The following FLT3 variants were observed in gnomAD, a reference collection of about 807,000 sequenced individuals.
FLT3 encodes the protein fms related receptor tyrosine kinase 3.
Under a neutral mutation model 126.6 loss-of-function variants are expected in FLT3, and 46 were observed. The ratio of observed to expected loss-of-function variants is 0.36; its 90% CI spans 0.29 to 0.46. The LOEUF is 0.46. FLT3 is among the 20% of genes least tolerant of loss of function. FLT3 has a pLI of 1.00. For missense variants in FLT3, 1,069 were observed against 1,190.3 expected (o/e 0.90, Z 1.50); for synonymous variants, 404 against 434.4 (o/e 0.93, Z 0.87).
intron 23 of FLT3, among the ~76,000 whole-genome samples, chr13:28,010,143 C>T (rs770636464): frequency 2.6e-5 from 4 of 152,080 alleles, no homozygotes; most frequent in Non-Finnish European, 4.4e-5. Flanking sequence ...GTTTGCTGAG[C>T]GCCTTCCACG....
chr13:28,078,703 G>C (rs1291080951), intron 1 of FLT3, among the ~76,000 whole-genome samples: 2 of 129,044 alleles, frequency 1.5e-5, no homozygotes, highest in Non-Finnish European at 1.7e-5. Context: ...CCAGAAAATG[G>C]GTTTTTCTTT....
intron 1 of FLT3, among the ~76,000 whole-genome samples, chr13:28,089,984 G>A (rs1878927530): frequency 6.6e-6 from 1 of 151,426 alleles, no homozygotes; most frequent in South Asian, 2.1e-4. Flanking sequence ...CAAATGATCC[G>A]CCCGCCTCGG....
At chr13:28,058,215 A>C (rs9919843) in intron 3 of FLT3, among the ~76,000 whole-genome samples, 96 of 93,270 alleles carry the variant, frequency 1.0e-3, no homozygotes, top group African/African-American at 3.1e-3. Flanking sequence ...ATTAAAAAAA[A>C]AAAACAAAAA....
rs1555258878 is a variant in FLT3 at position 28,060,475 on chromosome 13, A to AAG, written c.368+1391_368+1392insCT. On this transcript the variant is annotated intron_variant, in intron 3 of 23. Transcript: ENST00000241453. The stretch of plus-strand genomic sequence containing the variant: ...ATAAGGTAAAAATATTTAAAAAAAA[A>AAG]AAAAAGAAAAAGGAAAAAAAATCCT... Among the ~76,000 whole-genome samples the AAG allele has an allele frequency of 4.0e-5, 6 of 151,080 alleles. No individual in the cohort carries two copies. The East Asian group carries it at 7.7e-4, about 19-fold the overall frequency.
At chr13:28,055,336 A>G (rs1337595957) in intron 4 of FLT3, among the ~76,000 whole-genome samples, 1 of 152,202 alleles carries the variant, frequency 6.6e-6, no homozygotes, top group Non-Finnish European at 1.5e-5. Flanking sequence ...CACATTCCCA[A>G]TTCCTTCAAC....
At chr13:28,060,482 A>G (rs1876449075) in intron 3 of FLT3, among the ~76,000 whole-genome samples, 3 of 149,474 alleles carry the variant, frequency 2.0e-5, no homozygotes, top group Non-Finnish European at 3.0e-5. Flanking sequence ...AAAAAAAAAG[A>G]AAAAGGAAAA....
In FLT3 at chr13:28,053,397, G is replaced by GATATATATATATATATATATAT. The variant is rs10522717; in HGVS notation, c.485-724_485-723insATATATATATATATATATATAT. Reference sequence around the variant, plus strand: ...TGTTTGAAAATACTATGTACTGTTTGATATATATATATATATATGAAAGAA... The same window carrying GATATATATATATATATATATAT: ...TGTTTGAAAATACTATGTACTGTTTGATATATATATATATATATATATATATATATATATATATATGAAAGAA... On this transcript the variant is annotated intron_variant, in intron 4 of 23. Transcript: ENST00000241453. Among the ~76,000 whole-genome samples, 922 of 134,646 alleles carry GATATATATATATATATATATAT rather than the reference G, an allele frequency of 6.8e-3. 20 individuals are homozygous for GATATATATATATATATATATAT. Among genetic ancestry groups the GATATATATATATATATATATAT allele is most frequent in the African/African-American group, 0.018 (589 of 31,968 alleles). 88.3% of individuals were successfully genotyped at this position (134,646 alleles called of 152,430 possible).
intron 3 of FLT3, among the ~76,000 whole-genome samples, chr13:28,058,284 GT>G: frequency 6.6e-6 from 1 of 150,992 alleles, no homozygotes; most frequent in African/African-American, 2.4e-5. Flanking sequence ...GGAGGCTGAA[GT>G]GGGTGGATCA....
At chr13:28,044,603 C>T (rs1874694678) in intron 9 of FLT3, among the ~76,000 whole-genome samples, 1 of 152,164 alleles carries the variant, frequency 6.6e-6, no homozygotes, top group African/African-American at 2.4e-5. Flanking sequence ...TTGTTCGTTT[C>T]TTGTTCAGTA....
intron 23 of FLT3, 101 bp from the exon 24 acceptor site, chr13:28,004,275 T>C: frequency 1.7e-6 from 2 of 1,208,396 alleles, no homozygotes; most frequent in Non-Finnish European, 2.3e-6. Flanking sequence ...AGTTGTTCTA[T>C]ATAGACAATT....
At chr13:28,084,892 G>A (rs1055742995) in intron 1 of FLT3, among the ~76,000 whole-genome samples, 2 of 147,496 alleles carry the variant, frequency 1.4e-5, no homozygotes, top group African/African-American at 2.5e-5. Context: ...GGAGAATGGC[G>A]TGAACCCGGG....
chr13:28,039,665 C>T (rs1446869580), intron 9 of FLT3, among the ~76,000 whole-genome samples: 1 of 151,424 alleles, frequency 6.6e-6, no homozygotes, highest in Admixed American at 6.6e-5. Context: ...TCTCCTGCCT[C>T]AGCCTCCCAA....
intron 1 of FLT3, among the ~76,000 whole-genome samples, chr13:28,077,254 C>G (rs1370024446): frequency 6.6e-6 from 1 of 152,068 alleles, no homozygotes; most frequent in Non-Finnish European, 1.5e-5. Context: ...ATATATTAGT[C>G]CGTTTTCACA....
At chr13:28,041,259 A>G (rs1287686112) in intron 9 of FLT3, among the ~76,000 whole-genome samples, 1 of 152,178 alleles carries the variant, frequency 6.6e-6, no homozygotes, top group African/African-American at 2.4e-5. Context: ...TGAGCTTCTA[A>G]GAGAGAAAGT....
rs138560873 is a variant in FLT3 at position 28,022,680 on chromosome 13, G to C, written c.2418+670C>G. Among the ~76,000 whole-genome samples, 24 of 152,152 alleles carry C rather than the reference G, an allele frequency of 1.6e-4. No homozygotes were observed. The East Asian group carries it at 2.1e-3, about 13-fold the overall frequency. ...GAAGAATTTTGGGAAATAAAGAGAAGGTAATGAAAGGCAAGCAAACGAGGA... is the reference window on the plus strand; with the variant it reads ...GAAGAATTTTGGGAAATAAAGAGAACGTAATGAAAGGCAAGCAAACGAGGA... On this transcript the variant is annotated intron_variant, in intron 19 of 23. Coordinates refer to ENST00000241453, the MANE Select transcript of FLT3 (RefSeq NM_004119.3).
At chr13:28,035,770 A>G (rs1022710234) in intron 11 of FLT3, 97 bp from the exon 12 acceptor site, 104 of 1,334,188 alleles carry the variant, frequency 7.8e-5, no homozygotes, top group Middle Eastern at 5.6e-4. Flanking sequence ...TTCATCCAGT[A>G]TAAGTTATCA....
intron 1 of FLT3, among the ~76,000 whole-genome samples, chr13:28,086,884 G>A (rs1878710677): frequency 6.6e-6 from 1 of 150,626 alleles, no homozygotes. Context: ...TGACCTCAAG[G>A]GATCTGCCCA....
rs769807030 is a variant in FLT3, at chr13:28,062,003, C to G, written c.232G>C (p.Ala78Pro). Residue 78 changes from alanine to proline, a missense_variant, in exon 3 of 24, where the codon GCT becomes CCT. Ala to Pro is a conservative substitution (Grantham distance 27). Coordinates refer to ENST00000241453, the MANE Select transcript of FLT3 (RefSeq NM_004119.3). ...GATACATCCACTTCCACAGCGGCAG[C>G]TTCGTACACTGTCCCTGAGCTCTGG... ...RPQSSGTVYE[A>P]AAVEVDVSAS... 14 of 1,613,444 alleles carry G rather than the reference C, an allele frequency of 8.7e-6. No individual in the cohort carries two copies. Among genetic ancestry groups the G allele is most frequent in the Non-Finnish European group, 1.2e-5 (14 of 1,180,004 alleles).
chr13:28,043,009 C>G (rs1455344587), intron 9 of FLT3, among the ~76,000 whole-genome samples: 1 of 152,016 alleles, frequency 6.6e-6, no homozygotes, highest in Non-Finnish European at 1.5e-5. Flanking sequence ...ACCCAGAACC[C>G]AAACGACCAC....
Sources: gnomAD v4.1 joint callset for allele counts (sites outside exome capture counted in the v4.1 genomes callset) on GRCh38, gnomAD v4.1.1 for gene constraint, MANE v1.5 for transcripts, NCBI Gene and HGNC (gene_info 2026-07-23, HGNC 2026-07-21) for gene names.